Variants in ACSM3 observed in about 807,000 individuals in gnomAD.
ACSM3 encodes acyl-CoA synthetase medium chain family member 3, also known as acyl-coenzyme A synthetase ACSM3, mitochondrial.
In ACSM3, 61 loss-of-function variants were observed where a neutral mutation model predicts 74.1. That is an observed-to-expected ratio of 0.82 (90% CI 0.67 to 1.02). The LOEUF (loss-of-function observed/expected upper bound fraction) is 1.02, where lower values mean the gene tolerates loss of function less well. Among genes scored for constraint, ACSM3 ranks in the 50% least tolerant of loss-of-function variants. The pLI, the probability that ACSM3 is intolerant of heterozygous loss-of-function variation, is 0.00. For synonymous variants in ACSM3, 213 were observed against 241.5 expected (o/e 0.88, Z 1.09); for missense variants, 660 against 697.0 (o/e 0.95, Z 0.60).
Position 20,790,575 on chromosome 16 carries a change from A to G in ACSM3, c.1225-12A>G, listed in dbSNP as rs568422282. ...AAAATTTCCTTAAATAAATTGTTCT[A>G]TTTTATCCTAGATTGTAGATGTAAA... On this transcript the variant is annotated splice_polypyrimidine_tract_variant and intron_variant, in intron 9 of 13. Coordinates refer to ENST00000289416, the MANE Select transcript of ACSM3 (RefSeq NM_005622.4). The surrounding 1 kb of genome is among the most constrained non-coding windows in gnomAD (Gnocchi z 4.0). 6.8e-6 allele frequency: 11 copies of G among 1,608,584 alleles called. No individual in the cohort carries two copies. In the African/African-American group the frequency reaches 1.2e-4, roughly 18 times the overall value.
At chr16:20,784,276 C>T (rs1323574194) in intron 7 of ACSM3, among the ~76,000 whole-genome samples, 3 of 152,172 alleles carry the variant, frequency 2.0e-5, no homozygotes, top group Admixed American at 2.0e-4. Flanking sequence ...TTCAATTCCT[C>T]AGTTATACTA....
chr16:20,796,411 A>G lies in ACSM3; in HGVS notation c.1596A>G (p.Ser532=). 6.2e-7 allele frequency: 1 copy of G among 1,613,894 alleles called. No homozygotes were observed. Among genetic ancestry groups the G allele is most frequent in the Non-Finnish European group, 8.5e-7 (1 of 1,179,936 alleles). Residue 532 remains serine (S), a synonymous_variant, in exon 13 of 14, where the codon TCA becomes TCG. Transcript: ENST00000289416. The part of the protein sequence containing the change: ...AFVVLNPDYK[S]HDQEQLIKEI... Reference sequence around the variant, plus strand: ...TCGTTCTAAATCCTGATTACAAGTCACATGATCAAGAACAACTAATAAAGG... The same window carrying G: ...TCGTTCTAAATCCTGATTACAAGTCGCATGATCAAGAACAACTAATAAAGG...
At chr16:20,674,803 C>A (rs1479883258) in exon 1 of ACSM3, 4 of 152,310 alleles carry the variant, frequency 2.6e-5, no homozygotes, top group Non-Finnish European at 5.9e-5. Context: ...CAGGATGACA[C>A]CAGCACTTCA....
At chr16:20,775,780 G>A (rs768646509) in intron 2 of ACSM3, 59 bp from the exon 3 acceptor site, 2 of 1,543,158 alleles carry the variant, frequency 1.3e-6, no homozygotes, top group Non-Finnish European at 1.8e-6. Flanking sequence ...TGAGTCAGTT[G>A]GCCCAGAATT....
At chr16:20,763,038 A>G (rs990629582), upstream of ACSM3, among the ~76,000 whole-genome samples, 2 of 152,210 alleles carry the variant, frequency 1.3e-5, no homozygotes, top group African/African-American at 4.8e-5. Flanking sequence ...ATCAACAACA[A>G]AAGACTCCTA....
chr16:20,685,043 A>G, intron 1 of ACSM3: 1 of 726,502 alleles, frequency 1.4e-6, no homozygotes. Context: ...ACAGGGCAGG[A>G]AGCCTTGCTT....
At chr16:20,694,125 C>T (rs1046678594) in intron 1 of ACSM3, among the ~76,000 whole-genome samples, 4 of 152,216 alleles carry the variant, frequency 2.6e-5, no homozygotes, top group African/African-American at 7.2e-5. Context: ...CAGCATTTCA[C>T]GAGTTACTTC....
chr16:20,785,479 T>G (rs1016037594), intron 8 of ACSM3, among the ~76,000 whole-genome samples: 2 of 152,044 alleles, frequency 1.3e-5, no homozygotes, highest in Non-Finnish European at 2.9e-5. Flanking sequence ...ATATTAAGAG[T>G]TTGCTGGACA....
intron 1 of ACSM3, among the ~76,000 whole-genome samples, chr16:20,695,183 C>G (rs1356870002): frequency 6.6e-6 from 1 of 152,194 alleles, no homozygotes; most frequent in African/African-American, 2.4e-5. Context: ...GTAGCTGAAA[C>G]AGCATGGCCC....
intron 1 of ACSM3, among the ~76,000 whole-genome samples, chr16:20,675,938 G>T (rs540029366): frequency 6.6e-6 from 1 of 152,298 alleles, no homozygotes; most frequent in African/African-American, 2.4e-5. Flanking sequence ...AAAAGTAAAA[G>T]TAAAAATCAG....
chr16:20,790,805 G>A lies in ACSM3; in HGVS notation c.1326+117G>A. 6.2e-7 allele frequency: 1 copy of A among 1,613,470 alleles called. No individual in the cohort carries two copies. The highest frequency in any genetic ancestry group is 8.5e-7 in the Non-Finnish European group (1 of 1,179,678). ...TACTTGACCCTTTCTTGAGAGATTG[G>A]TTGTCCTGAATAGTAATCCAAAAGA... is the stretch of plus-strand genomic sequence containing the variant. On this transcript the variant is annotated intron_variant, in intron 10 of 13. Transcript: ENST00000289416. The surrounding 1 kb of genome is among the most constrained non-coding windows in gnomAD (Gnocchi z 4.0).
At chr16:20,781,892 C>A (rs1378039447) in intron 7 of ACSM3, 105 bp downstream of exon 7, 2 of 805,758 alleles carry the variant, frequency 2.5e-6, no homozygotes, top group Non-Finnish European at 2.0e-6. Flanking sequence ...CCAGTAGACA[C>A]AGGATTTAGC....
Position 20,751,193 on chromosome 16 carries a change from C to G in ACSM3, c.-96+1190C>G, listed in dbSNP as rs540948089. 3.9e-5 allele frequency among the ~76,000 whole-genome samples: 6 copies of G among 152,244 alleles called. No individual in the cohort carries two copies. The South Asian group carries it at 1.2e-3, about 32-fold the overall frequency. ...GGTAGAATCAGTGGAAAATCCTGAA[C>G]CAGTGGCCAGCCTTCTGTATTTCTG... On this transcript the variant is annotated intron_variant, in intron 2 of 3. Transcript: ENST00000561584.
At chr16:20,732,393 T>G (rs2079836144) in intron 1 of ACSM3, among the ~76,000 whole-genome samples, 2 of 152,160 alleles carry the variant, frequency 1.3e-5, no homozygotes. Flanking sequence ...ACTTTTGACT[T>G]TCAGAAAGGC....
At chr16:20,735,035 G>A (rs1388572796) in intron 1 of ACSM3, 1 of 152,220 alleles carries the variant, frequency 6.6e-6, no homozygotes, top group Non-Finnish European at 1.5e-5. Context: ...AGGCCAAGTG[G>A]CTGCAGAAAC....
At chr16:20,696,120 T>C (rs796829575) in intron 1 of ACSM3, among the ~76,000 whole-genome samples, 13 of 152,344 alleles carry the variant, frequency 8.5e-5, no homozygotes, top group African/African-American at 2.9e-4. Context: ...CAATGGGCTA[T>C]AGCATATCGC....
rs35941652 is a variant in ACSM3, at chr16:20,705,374, G to GAA, written c.-190+30566_-190+30567dup. ...GGCGACAGAGCGAGACTCCGTCTCA[G>GAA]AAAAAAAAAAAAAAACAACTTCAGA... On this transcript the variant is annotated intron_variant, in intron 1 of 3. Coordinates refer to the ACSM3 transcript ENST00000561584. Among the ~76,000 whole-genome samples the GAA allele has an allele frequency of 1.8e-3, 226 of 123,870 alleles. 5 individuals are homozygous for GAA. Among genetic ancestry groups the GAA allele is most frequent in the East Asian group, 6.5e-3 (30 of 4,640 alleles). 81.3% of individuals were successfully genotyped at this position (123,870 alleles called of 152,430 possible). A position where few individuals can be genotyped will look rare whatever the true frequency, so the allele number is the denominator to read the frequency against.
chr16:20,723,873 T>C (rs2079795212), intron 1 of ACSM3, among the ~76,000 whole-genome samples: 1 of 152,220 alleles, frequency 6.6e-6, no homozygotes, highest in Non-Finnish European at 1.5e-5. Context: ...GTGCAGAAGC[T>C]CTTTAGTTTA....
In ACSM3 at chr16:20,780,698, A is replaced by C. The variant is rs760505175; in HGVS notation, c.639-16A>C. 1.9e-6 allele frequency: 3 copies of C among 1,614,074 alleles called. No individual in the cohort carries two copies. The highest frequency in any genetic ancestry group is 2.5e-6 in the Non-Finnish European group (3 of 1,180,022). On this transcript the variant is annotated splice_polypyrimidine_tract_variant and intron_variant, in intron 4 of 13. Transcript: ENST00000289416. ...GCTGTGTTTAACATGCAGTCATTGT[A>C]GTTTTTCCTTTGCAGACATGCCAGT...
Sources: allele counts gnomAD v4.1 joint callset (sites outside exome capture counted in the v4.1 genomes callset), GRCh38; gene constraint gnomAD v4.1.1; non-coding constraint Gnocchi (gnomAD v3.1); transcripts MANE v1.5; gene names NCBI Gene and HGNC (gene_info 2026-07-23, HGNC 2026-07-21).